Variants in CALN1 observed in about 807,000 individuals in gnomAD.
CALN1 encodes the protein calcium-binding protein 8.
A neutral mutation model predicts 30.6 loss-of-function variants in CALN1; 17 were observed. The ratio of observed to expected loss-of-function variants is 0.56; its 90% confidence interval spans 0.38 to 0.83. The LOEUF is 0.83. Among genes scored for constraint, CALN1 ranks in the 40% least tolerant of loss-of-function variants. CALN1 has a pLI of 0.00. For synonymous variants in CALN1, 156 were observed against 131.4 expected (o/e 1.19, Z -1.28); for missense variants, 291 against 354.9 (o/e 0.82, Z 1.45).
intron 4 of CALN1, among the ~76,000 whole-genome samples, chr7:72,097,949 A>G (rs968029292): frequency 3.3e-5 from 5 of 152,076 alleles, no homozygotes; most frequent in African/African-American, 1.2e-4. Context: ...CCTGACCTCA[A>G]GTGATCCACC....
chr7:72,375,142 G>A (rs764300159), intron 2 of CALN1, among the ~76,000 whole-genome samples: 6 of 152,202 alleles, frequency 3.9e-5, no homozygotes, highest in Non-Finnish European at 7.4e-5. Flanking sequence ...GCTTAAACAC[G>A]CATTGTCTTG....
chr7:72,174,879 T>C lies in CALN1; in HGVS notation c.245-68585A>G, dbSNP rs145444154. ...TCAAAATTCAACAAATTGCACACTTTAAATATGTGCAGTGTACTGTATGTA... is the reference window on the plus strand; with the variant it reads ...TCAAAATTCAACAAATTGCACACTTCAAATATGTGCAGTGTACTGTATGTA... On this transcript the variant is annotated intron_variant, in intron 3 of 6. Coordinates refer to ENST00000395275, the MANE Select transcript of CALN1 (RefSeq NM_031468.4). 3.3e-3 allele frequency among the ~76,000 whole-genome samples: 499 copies of C among 152,132 alleles called. 2 individuals carry two copies. Among genetic ancestry groups the C allele is most frequent in the Non-Finnish European group, 5.8e-3 (395 of 68,010 alleles).
At chr7:72,317,524 C>G (rs545084249) in intron 2 of CALN1, among the ~76,000 whole-genome samples, 1 of 152,286 alleles carries the variant, frequency 6.6e-6, no homozygotes, top group South Asian at 2.1e-4. Context: ...CACCAGAGAA[C>G]TGATGACAGC....
At chr7:72,218,141 C>T (rs917344168) in intron 3 of CALN1, among the ~76,000 whole-genome samples, 3 of 151,584 alleles carry the variant, frequency 2.0e-5, no homozygotes, top group African/African-American at 7.2e-5. Flanking sequence ...CCCGCTCCGC[C>T]AAAATTTTTT....
the CALN1 span, among the ~76,000 whole-genome samples, chr7:72,497,539 AG>A: frequency 6.6e-6 from 1 of 152,386 alleles, no homozygotes; most frequent in Middle Eastern, 3.4e-3. Flanking sequence ...TACTCCTCAA[AG>A]GGCCATGCCC....
chr7:71,962,665 C>A (rs528751893), intron 5 of CALN1, among the ~76,000 whole-genome samples: 1 of 152,294 alleles, frequency 6.6e-6, no homozygotes, highest in Admixed American at 6.5e-5. Flanking sequence ...TTATCTAATA[C>A]CTTTTAAAAT....
chr7:72,102,446 C>G (rs767058780), intron 4 of CALN1, among the ~76,000 whole-genome samples: 1 of 152,040 alleles, frequency 6.6e-6, no homozygotes, highest in East Asian at 1.9e-4. Context: ...GAGACTCTGT[C>G]GCAAATTTTA....
At chr7:72,060,222 T>C (rs1483294223) in intron 4 of CALN1, among the ~76,000 whole-genome samples, 1 of 152,174 alleles carries the variant, frequency 6.6e-6, no homozygotes, top group African/African-American at 2.4e-5. Context: ...TGCAGGTGCT[T>C]ACATGCTCTG....
At chr7:72,427,232 T>C (rs1242625466) in intron 1 of CALN1, among the ~76,000 whole-genome samples, 1 of 152,164 alleles carries the variant, frequency 6.6e-6, no homozygotes, top group Non-Finnish European at 1.5e-5. Flanking sequence ...CACCTTGGCC[T>C]CCCAAAGTGC....
chr7:71,977,455 T>C (rs1477235556), intron 5 of CALN1, among the ~76,000 whole-genome samples: 1 of 151,826 alleles, frequency 6.6e-6, no homozygotes, highest in Non-Finnish European at 1.5e-5. Context: ...AATAAATAAA[T>C]AAAAATGAAA....
chr7:72,347,358 C>A (rs1295965537), intron 2 of CALN1, among the ~76,000 whole-genome samples: 1 of 152,002 alleles, frequency 6.6e-6, no homozygotes, highest in Non-Finnish European at 1.5e-5. Context: ...CCTCTGCCTC[C>A]CGGGTTCAAG....
chr7:72,030,076 G>A (rs1262086995), intron 4 of CALN1, among the ~76,000 whole-genome samples: 1 of 152,108 alleles, frequency 6.6e-6, no homozygotes, highest in African/African-American at 2.4e-5. Flanking sequence ...AGATAGTAAC[G>A]GAATTCAATT....
intron 5 of CALN1, among the ~76,000 whole-genome samples, chr7:71,896,064 C>T (rs1228889043): frequency 6.6e-6 from 1 of 152,182 alleles, no homozygotes; most frequent in Non-Finnish European, 1.5e-5. Flanking sequence ...CTGCTGTGCC[C>T]AGAAGCCAAC....
intron 2 of CALN1, among the ~76,000 whole-genome samples, chr7:72,340,592 G>A (rs1037189006): frequency 8.5e-5 from 13 of 152,246 alleles, no homozygotes; most frequent in South Asian, 4.1e-4. Context: ...ACCTTGATGC[G>A]GATAGCTGGT....
At chr7:72,442,882 C>G (rs558560876) in intron 1 of CALN1, among the ~76,000 whole-genome samples, 17 of 152,012 alleles carry the variant, frequency 1.1e-4, no homozygotes, top group African/African-American at 3.9e-4. Flanking sequence ...TAGGATTGCA[C>G]TTTATTAAGG....
rs34363697 is a variant in CALN1, at chr7:72,148,144, GA to G, written c.245-41851del. 2.7e-3 allele frequency among the ~76,000 whole-genome samples: 355 copies of G among 131,460 alleles called. 2 individuals carry two copies. Among genetic ancestry groups the G allele is most frequent in the Middle Eastern group, 0.012 (3 of 250 alleles). The allele number at this position is 131,460 out of a possible 152,430, so 86.2% of individuals were successfully genotyped here. A position where few individuals can be genotyped will look rare whatever the true frequency, so the allele number is the denominator to read the frequency against. On this transcript the variant is annotated intron_variant, in intron 3 of 6. Coordinates refer to ENST00000395275, the MANE Select transcript of CALN1 (RefSeq NM_031468.4). ...AACCAACCAACCAAACAAACAAACAGAAAAAAAAAAAAGAAATATGATCCAC... is the reference window on the plus strand; with the variant it reads ...AACCAACCAACCAAACAAACAAACAGAAAAAAAAAAAGAAATATGATCCAC...
the CALN1 span, among the ~76,000 whole-genome samples, chr7:72,474,550 A>T: frequency 5.3e-5 from 8 of 152,136 alleles, no homozygotes; most frequent in African/African-American, 1.9e-4. Context: ...ACCAGGTGTG[A>T]TGGCAATCCC....
intron 4 of CALN1, among the ~76,000 whole-genome samples, chr7:72,027,376 T>C (rs533497067): frequency 6.6e-6 from 1 of 152,152 alleles, no homozygotes; most frequent in Non-Finnish European, 1.5e-5. Flanking sequence ...TAACTGTTCA[T>C]AGAGGCTTAG....
intron 3 of CALN1, among the ~76,000 whole-genome samples, chr7:72,143,467 G>T (rs1810108136): frequency 6.6e-6 from 1 of 152,094 alleles, no homozygotes; most frequent in Admixed American, 6.6e-5. Context: ...AAAAAATATG[G>T]GACTATGTGA....
Sources: gnomAD v4.1 joint callset for allele counts (sites outside exome capture counted in the v4.1 genomes callset) on GRCh38, gnomAD v4.1.1 for gene constraint, MANE v1.5 for transcripts, NCBI Gene and HGNC (gene_info 2026-07-23, HGNC 2026-07-21) for gene names.